The following TMEM51 variants were observed in gnomAD, a reference collection of about 807,000 sequenced individuals.
TMEM51 encodes the protein chromosome 1 open reading frame 72.
A neutral mutation model predicts 13.6 loss-of-function variants in TMEM51; 8 were observed. The ratio of observed to expected loss-of-function variants is 0.59; its 90% CI spans 0.35 to 1.07. The LOEUF (loss-of-function observed/expected upper bound fraction) is 1.07. TMEM51 is among the 50% of genes least tolerant of loss of function. The probability of loss-of-function intolerance (pLI) is 0.02; values close to 1 mark genes in which losing one functional copy is unlikely to be tolerated. For missense variants in TMEM51, 279 were observed against 330.7 expected (o/e 0.84, Z 1.21); for synonymous variants, 147 against 144.4 (o/e 1.02, Z -0.13).
chr1:15,167,326 C>CCAAAA (rs1557833411), intron 1 of TMEM51, among the ~76,000 whole-genome samples: 1 of 69,450 alleles, frequency 1.4e-5, no homozygotes. Context: ...GACTCCATCT[C>CCAAAA]AAAAAAAAAA....
rs12041096 is a variant in TMEM51 at position 15,161,664 on chromosome 1, C to A, written c.-267+7710C>A. 0.22 allele frequency among the ~76,000 whole-genome samples: 32,734 copies of A among 151,866 alleles called. 3,737 individuals are homozygous for A. Among genetic ancestry groups the A allele is most frequent in the East Asian group, 0.31 (1,597 of 5,152 alleles). The stretch of plus-strand genomic sequence containing the variant: ...AAAGAAAAGAGATTTATTGGCCGGG[C>A]GCAGTGGCTCACGCCGGTAATCCCA... On this transcript the variant is annotated intron_variant, in intron 1 of 3. Coordinates refer to ENST00000376008, the MANE Select transcript of TMEM51 (RefSeq NM_001136218.2). The surrounding 1 kb of genome is among the most constrained non-coding windows in gnomAD (Gnocchi z 4.0).
chr1:15,177,851 G>GCCCAGC (rs1643496048), intron 1 of TMEM51, among the ~76,000 whole-genome samples: 2 of 152,174 alleles, frequency 1.3e-5, no homozygotes, highest in Non-Finnish European at 2.9e-5. Flanking sequence ...AGCGAGATAA[G>GCCCAGC]CCCAGCGCTG....
chr1:15,184,786 AT>A (rs1293319376), intron 1 of TMEM51, among the ~76,000 whole-genome samples: 2 of 152,048 alleles, frequency 1.3e-5, no homozygotes, highest in Non-Finnish European at 2.9e-5. Flanking sequence ...AGTATAGAGT[AT>A]AGAGCTCTCA....
chr1:15,212,908 T>G (rs149728956), intron 2 of TMEM51, among the ~76,000 whole-genome samples: 422 of 152,388 alleles, frequency 2.8e-3, no homozygotes, highest in African/African-American at 9.5e-3. Flanking sequence ...CCAGTGTGCC[T>G]TGGTGCTTCT....
intron 1 of TMEM51, among the ~76,000 whole-genome samples, chr1:15,184,604 C>T (rs937774542): frequency 5.3e-5 from 8 of 152,096 alleles, no homozygotes; most frequent in Non-Finnish European, 1.0e-4. Context: ...AAACTGATAT[C>T]GTTGTCCAGG....
Position 15,182,201 on chromosome 1 carries a change from T to TG in TMEM51, c.-267+28247_-267+28248insG, listed in dbSNP as rs1374357738. ...ATAAATAAATAAATAAATAAATAAATAAATAACTGCACTAGGCTGAAAGCA... is the reference window on the plus strand; with the variant it reads ...ATAAATAAATAAATAAATAAATAAATGAAATAACTGCACTAGGCTGAAAGCA... On this transcript the variant is annotated intron_variant, in intron 1 of 3. Transcript: ENST00000376008. Among the ~76,000 whole-genome samples the TG allele has an allele frequency of 7.9e-3, 1,136 of 143,810 alleles. 7 individuals are homozygous for TG. Among genetic ancestry groups the TG allele is most frequent in the Non-Finnish European group, 9.5e-3 (628 of 66,058 alleles). 94.3% of individuals were successfully genotyped at this position (143,810 alleles called of 152,430 possible). A position where few individuals can be genotyped will look rare whatever the true frequency, so the allele number is the denominator to read the frequency against.
chr1:15,153,778 C>T lies in TMEM51; in HGVS notation c.-443C>T, dbSNP rs756538347. On this transcript the variant is annotated 5_prime_UTR_variant, in exon 1 of 4. Transcript: ENST00000376008. ...CGCTTCCTGCGTCCCCAACCCGGTCCCTGAGAGGGCAGTGCGCCCTCTCCA... is the reference window on the plus strand; with the variant it reads ...CGCTTCCTGCGTCCCCAACCCGGTCTCTGAGAGGGCAGTGCGCCCTCTCCA... 77 of 152,012 alleles carry T rather than the reference C, an allele frequency of 5.1e-4. No homozygotes were observed. The highest frequency in any genetic ancestry group is 1.0e-3 in the Non-Finnish European group (68 of 68,012). 9.4% of individuals were successfully genotyped at this position (152,012 alleles called of 1,614,324 possible).
chr1:15,193,403 A>T (rs1043554513), intron 1 of TMEM51, among the ~76,000 whole-genome samples: 3 of 152,152 alleles, frequency 2.0e-5, no homozygotes, highest in Non-Finnish European at 2.9e-5. Context: ...ACGTGGAGTT[A>T]TCATTCACAC....
intron 1 of TMEM51, among the ~76,000 whole-genome samples, chr1:15,154,512 T>G (rs1226600306): frequency 6.6e-6 from 1 of 152,160 alleles, no homozygotes; most frequent in African/African-American, 2.4e-5. Flanking sequence ...GCGCGTCGGT[T>G]TCTTCATCTG....
At chr1:15,183,911 C>T (rs1079316) in intron 1 of TMEM51, among the ~76,000 whole-genome samples, 46,568 of 152,166 alleles carry the variant, frequency 0.31, 7,472 homozygotes, top group Middle Eastern at 0.4. Flanking sequence ...ACAGTGGGGC[C>T]GCAGCCGCTC....
At chr1:15,182,697 A>G (rs1376713012) in intron 1 of TMEM51, among the ~76,000 whole-genome samples, 3 of 152,200 alleles carry the variant, frequency 2.0e-5, no homozygotes, top group African/African-American at 7.2e-5. Context: ...CCCAAAGCTA[A>G]AAGATTATTT....
chr1:15,164,374 G>T (rs1271920232), intron 1 of TMEM51: 1 of 456,066 alleles, frequency 2.2e-6, no homozygotes, highest in South Asian at 1.5e-5. Flanking sequence ...AAGAGTACTG[G>T]TTAGTGTTTT....
chr1:15,220,124 T>C lies in TMEM51; in HGVS notation c.*381T>C, dbSNP rs1214872938. The stretch of plus-strand genomic sequence containing the variant: ...TTGTTTTGCTTCTACTAAGACTGTT[T>C]TGTTTCAAAAAGGAAACAAGTTTTG... On this transcript the variant is annotated 3_prime_UTR_variant, in exon 4 of 4. Transcript: ENST00000376008. 4.8e-6 allele frequency: 1 copy of C among 209,350 alleles called. No individual in the cohort carries two copies. The highest frequency in any genetic ancestry group is 9.7e-6 in the Non-Finnish European group (1 of 103,144). 13.0% of individuals were successfully genotyped at this position (209,350 alleles called of 1,614,324 possible). A position where few individuals can be genotyped will look rare whatever the true frequency, so the allele number is the denominator to read the frequency against.
At chr1:15,168,971 G>A (rs551317037) in intron 1 of TMEM51, among the ~76,000 whole-genome samples, 11 of 152,244 alleles carry the variant, frequency 7.2e-5, no homozygotes, top group South Asian at 4.1e-4. Context: ...TAGGGAAACC[G>A]AGGCAGGAGT....
intron 1 of TMEM51, among the ~76,000 whole-genome samples, chr1:15,202,715 C>T (rs185907099): frequency 1.3e-5 from 2 of 152,318 alleles, no homozygotes; most frequent in Admixed American, 1.3e-4. Flanking sequence ...ATCTCCCCAT[C>T]TCAAGATTCT....
intron 2 of TMEM51, among the ~76,000 whole-genome samples, 173 bp from the exon 3 acceptor site, chr1:15,214,722 G>A (rs953922516): frequency 7.2e-5 from 11 of 152,198 alleles, no homozygotes; most frequent in African/African-American, 7.2e-5. Context: ...TCGCAGCCTC[G>A]CACAAGGAGC....
intron 1 of TMEM51, among the ~76,000 whole-genome samples, chr1:15,157,371 A>T (rs538697677): frequency 6.6e-6 from 1 of 152,178 alleles, no homozygotes; most frequent in Admixed American, 6.5e-5. Flanking sequence ...ATCTTAGAAT[A>T]TCGGGGCCAG....
At chr1:15,177,874 C>T (rs553387159) in intron 1 of TMEM51, among the ~76,000 whole-genome samples, 4 of 152,302 alleles carry the variant, frequency 2.6e-5, no homozygotes, top group African/African-American at 4.8e-5. Context: ...GCATAACAAC[C>T]GCGCATAGCA....
At chr1:15,168,270 G>A (rs1643099375) in intron 1 of TMEM51, among the ~76,000 whole-genome samples, 2 of 152,174 alleles carry the variant, frequency 1.3e-5, no homozygotes, top group Admixed American at 6.5e-5. Context: ...AGCATTCTCT[G>A]TCAAGTATTC....
Sources: gnomAD v4.1 joint callset for allele counts (sites outside exome capture counted in the v4.1 genomes callset) on GRCh38, gnomAD v4.1.1 for gene constraint, Gnocchi (gnomAD v3.1) non-coding constraint, MANE v1.5 for transcripts, NCBI Gene and HGNC (gene_info 2026-07-23, HGNC 2026-07-21) for gene names.